Variants in KDM6A observed in about 807,000 individuals in gnomAD.
The protein encoded by KDM6A is lysine demethylase 6A, also known as lysine-specific demethylase 6A.
A neutral mutation model predicts 117.6 loss-of-function variants in KDM6A; 11 were observed. The ratio of observed to expected loss-of-function variants is 0.09; its 90% CI spans 0.06 to 0.15. The LOEUF is 0.15. KDM6A is among the 10% of genes least tolerant of loss of function. KDM6A has a pLI of 1.00. For synonymous variants in KDM6A, 384 were observed against 396.1 expected (o/e 0.97, Z 0.36); for missense variants, 799 against 1,077.3 (o/e 0.74, Z 3.62).
chrX:44,977,580 T>C (rs1192822217), intron 4 of KDM6A, among the ~76,000 whole-genome samples: 6 of 111,722 alleles, frequency 5.4e-5, no homozygotes, highest in South Asian at 7.5e-4. Flanking sequence ...TTAATACTTT[T>C]GTTAGTGATT....
chrX:44,936,001 G>T (rs2036944584), intron 2 of KDM6A, among the ~76,000 whole-genome samples: 1 of 112,069 alleles, frequency 8.9e-6, no homozygotes, highest in African/African-American at 3.2e-5. Flanking sequence ...TCCTCCTGTG[G>T]CTTCTGTAAC....
intron 18 of KDM6A, among the ~76,000 whole-genome samples, chrX:45,073,399 G>C (rs2044958195): frequency 9.0e-6 from 1 of 111,401 alleles, no homozygotes; most frequent in Non-Finnish European, 1.9e-5. Flanking sequence ...GTAATGAATG[G>C]GATTGCTGGG....
At chrX:45,101,322 T>C (rs5905920) in intron 27 of KDM6A, among the ~76,000 whole-genome samples, 171 of 112,014 alleles carry the variant, frequency 1.5e-3, no homozygotes, top group Non-Finnish European at 2.8e-3. Flanking sequence ...CTTTTATGAC[T>C]GTTATGTGAG....
At chrX:45,013,388 C>T (rs1171206089) in intron 5 of KDM6A, among the ~76,000 whole-genome samples, 2 of 111,616 alleles carry the variant, frequency 1.8e-5, no homozygotes, top group Non-Finnish European at 1.9e-5. Flanking sequence ...AGCCAGTTTT[C>T]GCATACCTAT....
intron 15 of KDM6A, among the ~76,000 whole-genome samples, chrX:45,061,793 T>C (rs1325134988): frequency 9.0e-6 from 1 of 110,770 alleles, no homozygotes. Context: ...CACCCAGCCC[T>C]AAGTATTAAT....
chrX:44,971,895 C>T (rs1341079840), intron 3 of KDM6A, among the ~76,000 whole-genome samples: 1 of 110,233 alleles, frequency 9.1e-6, no homozygotes, highest in Non-Finnish European at 1.9e-5. Flanking sequence ...AGTCTGCTGG[C>T]TCCACTGGGG....
chrX:44,900,299 C>T (rs2034246626), intron 2 of KDM6A, among the ~76,000 whole-genome samples: 1 of 111,779 alleles, frequency 8.9e-6, no homozygotes, highest in Non-Finnish European at 1.9e-5. Context: ...GCGGTACGTA[C>T]AGATATGTTT....
At chrX:45,008,167 A>AGAAT (rs1184689598) in intron 4 of KDM6A, among the ~76,000 whole-genome samples, 1 of 110,703 alleles carries the variant, frequency 9.0e-6, no homozygotes, top group Non-Finnish European at 1.9e-5. Context: ...TGAAGTTGGG[A>AGAAT]GAATGTACAG....
At chrX:44,984,730 A>G (rs1389664044) in intron 4 of KDM6A, among the ~76,000 whole-genome samples, 8 of 111,249 alleles carry the variant, frequency 7.2e-5, no homozygotes, top group Non-Finnish European at 9.4e-5. Flanking sequence ...GTAGATATGC[A>G]GCATTATTTC....
intron 9 of KDM6A, among the ~76,000 whole-genome samples, chrX:45,053,568 ATC>A (rs2043949463): frequency 8.9e-6 from 1 of 112,388 alleles, no homozygotes; most frequent in African/African-American, 3.2e-5. Context: ...CTGATTTATA[ATC>A]TGTTATATCA....
At chrX:45,047,756 T>C (rs1218147905) in intron 8 of KDM6A, among the ~76,000 whole-genome samples, 1 of 89,793 alleles carries the variant, frequency 1.1e-5, no homozygotes, top group Non-Finnish European at 2.1e-5. Flanking sequence ...TAATTTTGGC[T>C]CACCACAACC....
chrX:45,048,522 C>G (rs761144227), intron 8 of KDM6A, among the ~76,000 whole-genome samples: 7 of 110,727 alleles, frequency 6.3e-5, no homozygotes, highest in Non-Finnish European at 1.3e-4. Flanking sequence ...TGTTTCCACT[C>G]TCTGTCTCCT....
rs2045278367 is a variant in KDM6A at position 45,079,265 on chromosome X, A to G, written c.3214A>G (p.Ile1072Val). Residue 1072 changes from isoleucine to valine, a missense_variant, in exon 21 of 30, where the codon ATC becomes GTC. Transcript: ENST00000611820. ...CTGGGATCCCACTGGAACAAAGAAA[A>G]TCTGGCATTGTGAAAGTAATAGATC... ...ENWDPTGTKK[I>V]WHCESNRSHT... is the part of the protein sequence containing the mutation. 8.3e-7 allele frequency: 1 copy of G among 1,207,247 alleles called. No homozygotes were observed.
chrX:44,978,177 A>G (rs2039707567), intron 4 of KDM6A, among the ~76,000 whole-genome samples: 1 of 112,327 alleles, frequency 8.9e-6, no homozygotes, highest in Non-Finnish European at 1.9e-5. Context: ...CAGTACTTGA[A>G]TGGTTTAATA....
At chrX:45,070,708 G>GTT (rs761072075) in intron 18 of KDM6A, among the ~76,000 whole-genome samples, 2 of 98,840 alleles carry the variant, frequency 2.0e-5, no homozygotes, top group East Asian at 3.1e-4. Context: ...AACCCTATGG[G>GTT]TTTTTTTTTT....
At chrX:44,876,050 T>C (rs1263641935) in intron 2 of KDM6A, among the ~76,000 whole-genome samples, 1 of 111,702 alleles carries the variant, frequency 9.0e-6, no homozygotes, top group Non-Finnish European at 1.9e-5. Context: ...GAAGCTTCAC[T>C]ATGTTTGGGG....
chrX:44,954,543 T>C (rs1356146175), intron 2 of KDM6A, among the ~76,000 whole-genome samples: 2 of 111,894 alleles, frequency 1.8e-5, no homozygotes, highest in African/African-American at 3.3e-5. Context: ...TGATCTGCTA[T>C]AGTTACATAG....
At chrX:45,005,186 C>T (rs1301611039) in intron 4 of KDM6A, among the ~76,000 whole-genome samples, 1 of 109,666 alleles carries the variant, frequency 9.1e-6, no homozygotes, top group Non-Finnish European at 1.9e-5. Flanking sequence ...GCTGGTGGGA[C>T]GGTAATTCCC....
intron 2 of KDM6A, among the ~76,000 whole-genome samples, chrX:44,910,900 T>C: frequency 8.9e-6 from 1 of 112,524 alleles, no homozygotes; most frequent in African/African-American, 3.2e-5. Context: ...TCTACTTCTT[T>C]GTACACAGAC....
Sources: gnomAD v4.1 joint callset for allele counts (sites outside exome capture counted in the v4.1 genomes callset) on GRCh38, gnomAD v4.1.1 for gene constraint, MANE v1.5 for transcripts, NCBI Gene and HGNC (gene_info 2026-07-23, HGNC 2026-07-21) for gene names.